Variants in SMG6 observed in about 807,000 individuals in gnomAD.
SMG6 encodes the protein SMG6 nonsense mediated mRNA decay factor.
In SMG6, 66 loss-of-function variants were observed where a neutral mutation model predicts 142.2. That is an observed-to-expected ratio of 0.46 (90% CI 0.38 to 0.57). The LOEUF (loss-of-function observed/expected upper bound fraction) is 0.57, where lower values mean the gene tolerates loss of function less well. Among genes scored for constraint, SMG6 ranks in the 20% least tolerant of loss-of-function variants. SMG6 has a pLI of 0.00. For missense variants in SMG6, 1,793 were observed against 1,832.0 expected (o/e 0.98, Z 0.39); for synonymous variants, 779 against 702.4 (o/e 1.11, Z -1.72).
intron 10 of SMG6, among the ~76,000 whole-genome samples, chr17:2,222,593 G>C (rs1270871593): frequency 7.5e-6 from 1 of 133,356 alleles, no homozygotes; most frequent in Non-Finnish European, 1.6e-5. Context: ...ATATATGAAG[G>C]CCTTGTAAAT....
intron 13 of SMG6, among the ~76,000 whole-genome samples, chr17:2,141,098 C>A (rs2070465330): frequency 6.6e-6 from 1 of 152,206 alleles, no homozygotes; most frequent in Admixed American, 6.5e-5. Flanking sequence ...AATTTAACTA[C>A]ATTAAGATTT....
At chr17:2,113,083 A>G (rs2069388843) in intron 13 of SMG6, among the ~76,000 whole-genome samples, 1 of 151,424 alleles carries the variant, frequency 6.6e-6, no homozygotes, top group Non-Finnish European at 1.5e-5. Flanking sequence ...TAAGAGACAG[A>G]GTCTTGCTCT....
chr17:2,137,223 G>T (rs781110262), intron 13 of SMG6, among the ~76,000 whole-genome samples: 1 of 152,116 alleles, frequency 6.6e-6, no homozygotes, highest in Admixed American at 6.6e-5. Flanking sequence ...ACCACGGAAC[G>T]CTTCTTGGTA....
Position 2,172,678 on chromosome 17 carries a change from C to A in SMG6, c.3337G>T (p.Val1113Leu), listed in dbSNP as rs775801748. Residue 1113 changes from valine (V) to leucine (L), a missense_variant, in exon 13 of 19, where the codon GTG (valine) becomes TTG (leucine). By Grantham distance (32) the Val-to-Leu change is conservative. Coordinates refer to ENST00000263073, the MANE Select transcript of SMG6 (RefSeq NM_017575.5). ...CTGACCTTATCCGAGGTTTTCTCCA[C>A]GTAGCAGGGGTCCTGAGGGGCAGCC... Reference protein sequence around the residue: ...LLAAPQDPCYVEKTSDKVIAA... With the variant: ...LLAAPQDPCYLEKTSDKVIAA... The A allele has an allele frequency of 6.2e-6, 10 of 1,613,486 alleles. No homozygotes were observed. The highest frequency in any genetic ancestry group is 7.6e-6 in the Non-Finnish European group (9 of 1,180,024).
chr17:2,132,917 G>A (rs1232395046), intron 13 of SMG6, among the ~76,000 whole-genome samples: 2 of 152,184 alleles, frequency 1.3e-5, no homozygotes, highest in African/African-American at 2.4e-5. Flanking sequence ...AGGAAGCTGG[G>A]ACTACAGGCA....
intron 13 of SMG6, among the ~76,000 whole-genome samples, chr17:2,116,287 C>T (rs2069504356): frequency 6.6e-6 from 1 of 152,006 alleles, no homozygotes; most frequent in Non-Finnish European, 1.5e-5. Context: ...CTATGTTGCC[C>T]AGGCTGGTAC....
At chr17:2,228,620 C>A (rs1251723606) in intron 10 of SMG6, among the ~76,000 whole-genome samples, 6 of 152,220 alleles carry the variant, frequency 3.9e-5, no homozygotes, top group Non-Finnish European at 1.5e-5. Flanking sequence ...GCCTCGGCCT[C>A]CCAAAGTGCT....
At chr17:2,073,833 C>A (rs1597339658) in intron 15 of SMG6, among the ~76,000 whole-genome samples, 1 of 151,700 alleles carries the variant, frequency 6.6e-6, no homozygotes, top group African/African-American at 2.4e-5. Flanking sequence ...AATCCCAGCA[C>A]TTTGGGAGGC....
At chr17:2,297,430 C>T in intron 3 of SMG6, 77 bp from the exon 4 acceptor site, 1 of 1,052,822 alleles carries the variant, frequency 9.5e-7, no homozygotes, top group Non-Finnish European at 1.4e-6. Flanking sequence ...GGGCAGACAA[C>T]CCTTTCACAG....
At chr17:2,279,963 C>T (rs1031414702) in intron 8 of SMG6, among the ~76,000 whole-genome samples, 7 of 152,198 alleles carry the variant, frequency 4.6e-5, no homozygotes, top group Non-Finnish European at 1.0e-4. Flanking sequence ...GCCTCTCATG[C>T]TTGCCTTTAT....
chr17:2,087,513 T>C, intron 13 of SMG6: 3 of 1,041,484 alleles, frequency 2.9e-6, no homozygotes, highest in Non-Finnish European at 3.5e-6. Context: ...CTAAGTACTT[T>C]GACCACCTTC....
chr17:2,063,225 A>C (rs1206903617), intron 18 of SMG6: 1 of 152,238 alleles, frequency 6.6e-6, no homozygotes, highest in Non-Finnish European at 1.5e-5. Context: ...TTTCACAATA[A>C]ACATCCTCTG....
At chr17:2,105,868 G>C (rs540701355) in intron 13 of SMG6, among the ~76,000 whole-genome samples, 1 of 152,264 alleles carries the variant, frequency 6.6e-6, no homozygotes, top group South Asian at 2.1e-4. Flanking sequence ...CCTATATGTG[G>C]GTAACCTCTG....
At chr17:2,208,875 A>G (rs1282260201) in intron 10 of SMG6, among the ~76,000 whole-genome samples, 1 of 152,228 alleles carries the variant, frequency 6.6e-6, no homozygotes. Context: ...CGTGGGATAG[A>G]TAGCCGTTAA....
chr17:2,204,939 G>T (rs1188114639), intron 10 of SMG6, among the ~76,000 whole-genome samples: 1 of 152,122 alleles, frequency 6.6e-6, no homozygotes, highest in Non-Finnish European at 1.5e-5. Flanking sequence ...CTCCAGCCTG[G>T]GCAACAGAGT....
At chr17:2,139,863 T>TTACAG (rs2070421760) in intron 13 of SMG6, among the ~76,000 whole-genome samples, 1 of 151,300 alleles carries the variant, frequency 6.6e-6, no homozygotes, top group Non-Finnish European at 1.5e-5. Flanking sequence ...GTAGCTGGGA[T>TTACAG]TACAGGCGCA....
chr17:2,242,815 T>C (rs2073842970), intron 9 of SMG6, among the ~76,000 whole-genome samples: 3 of 151,860 alleles, frequency 2.0e-5, no homozygotes, highest in African/African-American at 7.2e-5. Context: ...GATACCGATA[T>C]CATCTTATCC....
Position 2,076,270 on chromosome 17 carries a change from G to A in SMG6, c.3681+5540C>T, listed in dbSNP as rs117026430. 9.9e-3 allele frequency among the ~76,000 whole-genome samples: 1,501 copies of A among 152,226 alleles called. 12 individuals carry two copies. The highest frequency in any genetic ancestry group is 0.016 in the Non-Finnish European group (1,065 of 68,008). ...GGAGACTGATGGAGTTCAGAGCAGG[G>A]TAATTTACAGCCCATCCCTCCAATC... On this transcript the variant is annotated intron_variant, in intron 15 of 18. Transcript: ENST00000263073.
intron 10 of SMG6, among the ~76,000 whole-genome samples, chr17:2,197,650 T>A (rs1180398165): frequency 3.3e-5 from 5 of 151,514 alleles, no homozygotes; most frequent in Non-Finnish European, 7.4e-5. Flanking sequence ...ACAATACATT[T>A]AGAAAATGGG....
Sources: gnomAD v4.1 joint callset for allele counts (sites outside exome capture counted in the v4.1 genomes callset) on GRCh38, gnomAD v4.1.1 for gene constraint, MANE v1.5 for transcripts, NCBI Gene and HGNC (gene_info 2026-07-23, HGNC 2026-07-21) for gene names.